Variants in MAPK4 observed in about 807,000 individuals in gnomAD.
The protein encoded by MAPK4 is mitogen-activated protein kinase 4.
In MAPK4, 22 loss-of-function variants were observed where a neutral mutation model predicts 47.7. That is an observed-to-expected ratio of 0.46 (90% CI 0.33 to 0.66). The LOEUF (loss-of-function observed/expected upper bound fraction) is 0.66. MAPK4 is among the 30% of genes least tolerant of loss of function. The probability of loss-of-function intolerance (pLI) is 0.02; values close to 1 mark genes in which losing one functional copy is unlikely to be tolerated. For missense variants in MAPK4, 736 were observed against 831.7 expected, an observed-to-expected ratio of 0.88 and a Z score of 1.42; for synonymous variants, 390 against 365.7, an observed-to-expected ratio of 1.07 and a Z score of -0.76.
intron 2 of MAPK4, chr18:50,704,784 G>T: frequency 5.0e-6 from 2 of 398,644 alleles, no homozygotes; most frequent in Non-Finnish European, 8.8e-6. Flanking sequence ...ATCCTCTTCT[G>T]TGGAGCAGGG....
intron 2 of MAPK4, among the ~76,000 whole-genome samples, chr18:50,671,763 A>C (rs1289406804): frequency 6.6e-6 from 1 of 151,776 alleles, no homozygotes; most frequent in African/African-American, 2.4e-5. Context: ...AGTGGTGCAC[A>C]CCTATAGTCC....
At chr18:50,594,816 T>A (rs1461468638) in intron 1 of MAPK4, among the ~76,000 whole-genome samples, 1 of 152,204 alleles carries the variant, frequency 6.6e-6, no homozygotes, top group Non-Finnish European at 1.5e-5. Context: ...GCAGGAAATA[T>A]TTGTAATACA....
At chr18:50,661,536 G>A (rs2043171977) in intron 1 of MAPK4, among the ~76,000 whole-genome samples, 1 of 152,210 alleles carries the variant, frequency 6.6e-6, no homozygotes, top group South Asian at 2.1e-4. Context: ...ACTGGAATCA[G>A]AATCGATGTT....
intron 2 of MAPK4, among the ~76,000 whole-genome samples, chr18:50,684,435 A>G (rs1444974294): frequency 6.6e-6 from 1 of 151,662 alleles, no homozygotes; most frequent in Non-Finnish European, 1.5e-5. Context: ...AGTCCCAGCT[A>G]CTCAGGAGGC....
chr18:50,717,195 C>G (rs1368307713), intron 3 of MAPK4, among the ~76,000 whole-genome samples: 1 of 152,206 alleles, frequency 6.6e-6, no homozygotes, highest in Non-Finnish European at 1.5e-5. Context: ...CCCACATCCA[C>G]CCTGGACTTT....
chr18:50,602,717 A>C (rs554777288), intron 1 of MAPK4, among the ~76,000 whole-genome samples: 24 of 152,306 alleles, frequency 1.6e-4, no homozygotes, highest in African/African-American at 5.8e-4. Flanking sequence ...GTGACGAGTG[A>C]TGTTCAAGAT....
chr18:50,617,410 C>A (rs2042694019), intron 1 of MAPK4, among the ~76,000 whole-genome samples: 1 of 152,024 alleles, frequency 6.6e-6, no homozygotes, highest in African/African-American at 2.4e-5. Flanking sequence ...TCCTTCTTAC[C>A]AGGAAGGAAG....
At chr18:50,572,279 G>A (rs1044826382) in intron 1 of MAPK4, among the ~76,000 whole-genome samples, 20 of 152,136 alleles carry the variant, frequency 1.3e-4, no homozygotes, top group Non-Finnish European at 5.9e-5. Flanking sequence ...CTATGAATGA[G>A]AATATATCTA....
At chr18:50,653,817 C>T (rs970410739) in intron 1 of MAPK4, among the ~76,000 whole-genome samples, 2 of 152,208 alleles carry the variant, frequency 1.3e-5, no homozygotes, top group African/African-American at 4.8e-5. Context: ...TAAAGGCTAG[C>T]GCAGTTGGAC....
chr18:50,565,830 A>G (rs1050689266), intron 1 of MAPK4, among the ~76,000 whole-genome samples: 17 of 152,204 alleles, frequency 1.1e-4, no homozygotes, highest in African/African-American at 4.1e-4. Flanking sequence ...AGGCTATTCC[A>G]TCTAGGTTTG....
intron 2 of MAPK4, among the ~76,000 whole-genome samples, chr18:50,671,889 CAAAAA>C (rs745534670): frequency 9.6e-6 from 1 of 104,230 alleles, no homozygotes; most frequent in African/African-American, 3.5e-5. Context: ...GACCCTGACT[CAAAAA>C]AAAAAAAAAA....
intron 2 of MAPK4, among the ~76,000 whole-genome samples, chr18:50,694,092 T>C (rs1568084159): frequency 6.6e-6 from 1 of 152,228 alleles, no homozygotes; most frequent in East Asian, 1.9e-4. Flanking sequence ...AAAGGTCCTA[T>C]GCTGAGAACA....
intron 2 of MAPK4, among the ~76,000 whole-genome samples, chr18:50,694,101 C>T (rs757273836): frequency 6.6e-6 from 1 of 152,218 alleles, no homozygotes; most frequent in Non-Finnish European, 1.5e-5. Context: ...ATGCTGAGAA[C>T]ATTTCTATCC....
At chr18:50,636,269 A>G (rs2042887319) in intron 1 of MAPK4, among the ~76,000 whole-genome samples, 1 of 152,138 alleles carries the variant, frequency 6.6e-6, no homozygotes, top group African/African-American at 2.4e-5. Context: ...TCTTACCTCC[A>G]TCTGCAGCTC....
At chr18:50,704,299 C>A (rs1419473020) in intron 2 of MAPK4, among the ~76,000 whole-genome samples, 7 of 152,118 alleles carry the variant, frequency 4.6e-5, no homozygotes, top group Non-Finnish European at 7.4e-5. Context: ...TGCTTGAGCT[C>A]AGGAGTTCGA....
intron 1 of MAPK4, among the ~76,000 whole-genome samples, chr18:50,643,737 T>G (rs905219688): frequency 6.6e-6 from 1 of 152,070 alleles, no homozygotes; most frequent in African/African-American, 2.4e-5. Context: ...AATCCCATGG[T>G]TTTAGCCCCT....
At chr18:50,602,237 G>A (rs368747770) in intron 1 of MAPK4, among the ~76,000 whole-genome samples, 5 of 152,158 alleles carry the variant, frequency 3.3e-5, no homozygotes, top group Middle Eastern at 3.2e-3. Context: ...CCTGTATAAA[G>A]ACAACTGTTT....
rs1907403212 is a variant in MAPK4 at position 50,663,625 on chromosome 18, T to C, written c.-334T>C. On this transcript the variant is annotated 5_prime_UTR_variant, in exon 2 of 6. Coordinates refer to ENST00000400384, the MANE Select transcript of MAPK4 (RefSeq NM_002747.4). ...AAACTTGACATTCCATAGATAATGA[T>C]ACTGGGTTTTCTTTCCAAGATGCCA... 1 of 198,770 alleles carries C rather than the reference T, an allele frequency of 5.0e-6. No homozygotes were observed. Among genetic ancestry groups the C allele is most frequent in the African/African-American group, 2.3e-5 (1 of 43,416 alleles). The allele number at this position is 198,770 out of a possible 1,614,324, so 12.3% of individuals were successfully genotyped here.
At chr18:50,584,574 G>A (rs1458699122) in intron 1 of MAPK4, among the ~76,000 whole-genome samples, 1 of 152,226 alleles carries the variant, frequency 6.6e-6, no homozygotes, top group Non-Finnish European at 1.5e-5. Context: ...TATAGACTGT[G>A]TCCCCAACTC....
Sources: gnomAD v4.1 joint callset for allele counts (sites outside exome capture counted in the v4.1 genomes callset) on GRCh38, gnomAD v4.1.1 for gene constraint, MANE v1.5 for transcripts, NCBI Gene and HGNC (gene_info 2026-07-23, HGNC 2026-07-21) for gene names.